Variants in SLC25A13 observed in about 807,000 individuals in gnomAD.
SLC25A13 encodes solute carrier family 25 member 13, also known as electrogenic aspartate/glutamate antiporter SLC25A13, mitochondrial.
In SLC25A13, 70 loss-of-function variants were observed where a neutral mutation model predicts 85.5. The observed-to-expected ratio is 0.82, with a 90% CI of 0.68 to 1.00. The LOEUF is 1.00. Among genes scored for constraint, SLC25A13 ranks in the 50% least tolerant of loss-of-function variants. The pLI, the probability that SLC25A13 is intolerant of heterozygous loss-of-function variation, is 0.00. For synonymous variants in SLC25A13, 259 were observed against 288.7 expected, an observed-to-expected ratio of 0.90 and a Z score of 1.04; for missense variants, 765 against 819.8, an observed-to-expected ratio of 0.93 and a Z score of 0.82.
At chr7:96,298,485 G>A (rs1013539731) in intron 1 of SLC25A13, among the ~76,000 whole-genome samples, 1 of 151,898 alleles carries the variant, frequency 6.6e-6, no homozygotes, top group Non-Finnish European at 1.5e-5. Flanking sequence ...CCAGGCTGGA[G>A]TGCAATGATG....
chr7:96,277,977 C>A (rs543227919), intron 2 of SLC25A13, among the ~76,000 whole-genome samples: 172 of 152,278 alleles, frequency 1.1e-3, no homozygotes, highest in Non-Finnish European at 1.3e-3. Flanking sequence ...GCAGTAAATG[C>A]TGCTCTAGTT....
chr7:96,280,604 A>C (rs183545373), intron 2 of SLC25A13, among the ~76,000 whole-genome samples: 68 of 152,248 alleles, frequency 4.5e-4, no homozygotes, highest in African/African-American at 1.3e-3. Flanking sequence ...AGTCCCAGCT[A>C]CTTGGGAGAC....
chr7:96,251,219 G>T (rs1216130763), intron 3 of SLC25A13, among the ~76,000 whole-genome samples: 1 of 152,148 alleles, frequency 6.6e-6, no homozygotes, highest in Non-Finnish European at 1.5e-5. Context: ...TCAAGGTGCG[G>T]CAAGAAGACC....
intron 3 of SLC25A13, among the ~76,000 whole-genome samples, chr7:96,270,286 T>C (rs1287262030): frequency 6.6e-6 from 1 of 152,204 alleles, no homozygotes; most frequent in Non-Finnish European, 1.5e-5. Flanking sequence ...CTGAGTGCGG[T>C]GGCTCACACC....
chr7:96,248,416 G>A (rs1797287827), intron 3 of SLC25A13, among the ~76,000 whole-genome samples: 1 of 152,198 alleles, frequency 6.6e-6, no homozygotes, highest in Non-Finnish European at 1.5e-5. Context: ...ACAAAAGAGA[G>A]AGGGTGGCCA....
At chr7:96,233,987 T>C (rs1221949021) in intron 4 of SLC25A13, among the ~76,000 whole-genome samples, 5 of 152,056 alleles carry the variant, frequency 3.3e-5, no homozygotes, top group African/African-American at 4.8e-5. Flanking sequence ...GAAAGCACAA[T>C]CCACATGCCT....
chr7:96,289,543 C>A (rs1389479438), intron 2 of SLC25A13, among the ~76,000 whole-genome samples: 1 of 152,006 alleles, frequency 6.6e-6, no homozygotes, highest in African/African-American at 2.4e-5. Flanking sequence ...ACTAAAATAA[C>A]CAGCGTAGAG....
At chr7:96,264,857 A>G (rs969340713) in intron 3 of SLC25A13, among the ~76,000 whole-genome samples, 7 of 152,268 alleles carry the variant, frequency 4.6e-5, no homozygotes, top group Middle Eastern at 3.4e-3. Flanking sequence ...CCAAAGAACT[A>G]TATTTTCTAA....
At chr7:96,122,855 T>C (rs1158601556) in intron 15 of SLC25A13, among the ~76,000 whole-genome samples, 2 of 152,228 alleles carry the variant, frequency 1.3e-5, no homozygotes, top group Non-Finnish European at 2.9e-5. Context: ...CTGTCTCTTA[T>C]GGTTTTATTA....
chr7:96,215,176 G>A (rs974081783), intron 4 of SLC25A13, among the ~76,000 whole-genome samples: 4 of 152,190 alleles, frequency 2.6e-5, no homozygotes, highest in Non-Finnish European at 4.4e-5. Context: ...TTGGCTCACT[G>A]CAACCTCTGC....
At chr7:96,163,828 A>G (rs1298369154) in intron 13 of SLC25A13, among the ~76,000 whole-genome samples, 4 of 152,148 alleles carry the variant, frequency 2.6e-5, no homozygotes, top group Admixed American at 6.5e-5. Context: ...CCAAACTCCA[A>G]TACACCTATT....
At chr7:96,248,682 G>A (rs1797301051) in intron 3 of SLC25A13, among the ~76,000 whole-genome samples, 1 of 151,932 alleles carries the variant, frequency 6.6e-6, no homozygotes, top group South Asian at 2.1e-4. Context: ...TAGTTAGCAG[G>A]AAAAAAATTA....
intron 13 of SLC25A13, among the ~76,000 whole-genome samples, chr7:96,164,476 T>A (rs1793654564): frequency 6.6e-6 from 1 of 152,200 alleles, no homozygotes; most frequent in South Asian, 2.1e-4. Flanking sequence ...AGGGGTTTGT[T>A]ACACAGCAAT....
rs758406317 is a variant in SLC25A13 at position 96,170,113 on chromosome 7, C to A, written c.1243G>T (p.Val415Leu). The A allele has an allele frequency of 1.2e-6, 2 of 1,614,086 alleles. No individual in the cohort carries two copies. The highest frequency in any genetic ancestry group is 4.5e-5 in the East Asian group (2 of 44,872). Residue 415 changes from valine (V) to leucine (L), a missense_variant, in exon 13 of 18, where the codon GTG (valine) becomes TTG (leucine). Coordinates refer to ENST00000265631, the MANE Select transcript of SLC25A13 (RefSeq NM_014251.3). ...TCTTTGTGCATAAATTTATCCCTCA[C>A]AAAATCGTTCACCTTGAAGAAAAAT... ...KAIKLTVNDFVRDKFMHKDGS... is the reference protein window; with the variant it reads ...KAIKLTVNDFLRDKFMHKDGS...
chr7:96,154,203 T>C (rs1157870034), intron 13 of SLC25A13, among the ~76,000 whole-genome samples: 1 of 152,130 alleles, frequency 6.6e-6, no homozygotes, highest in Non-Finnish European at 1.5e-5. Flanking sequence ...TTTACACACA[T>C]TTTATAAAGT....
chr7:96,221,997 A>G (rs528810483), intron 4 of SLC25A13, among the ~76,000 whole-genome samples: 9 of 152,352 alleles, frequency 5.9e-5, no homozygotes, highest in African/African-American at 1.9e-4. Flanking sequence ...GAGACACAAG[A>G]GAAAAGTTGG....
chr7:96,227,619 A>C (rs931996956), intron 4 of SLC25A13, among the ~76,000 whole-genome samples: 5 of 152,190 alleles, frequency 3.3e-5, no homozygotes, highest in African/African-American at 1.2e-4. Context: ...ACAGTCCCAT[A>C]CTGGATTTAT....
At position 96,120,303 on chromosome 7, in the gene SLC25A13, T is replaced by C. The variant is rs954192532; in HGVS notation, c.*888A>G. The C allele has an allele frequency of 6.4e-5, 29 of 453,998 alleles. No homozygotes were observed. Among genetic ancestry groups the C allele is most frequent in the Non-Finnish European group, 1.1e-4 (26 of 226,778 alleles). The allele number at this position is 453,998 out of a possible 1,614,324, so 28.1% of individuals were successfully genotyped here. On this transcript the variant is annotated 3_prime_UTR_variant, in exon 18 of 18. Coordinates refer to ENST00000265631, the MANE Select transcript of SLC25A13 (RefSeq NM_014251.3). The stretch of plus-strand genomic sequence containing the variant: ...CAAGGCAACATGAATTAAATACTTA[T>C]GTCAGAACATATTTGTCTTACATTA...
intron 13 of SLC25A13, among the ~76,000 whole-genome samples, chr7:96,150,955 T>A (rs114109782): frequency 0.015 from 2,214 of 151,906 alleles, 57 homozygotes; most frequent in African/African-American, 0.051. Flanking sequence ...AAATGGGACA[T>A]GAGAACAGAT....
Sources: allele counts gnomAD v4.1 joint callset (sites outside exome capture counted in the v4.1 genomes callset), GRCh38; gene constraint gnomAD v4.1.1; transcripts MANE v1.5; gene names NCBI Gene and HGNC (gene_info 2026-07-23, HGNC 2026-07-21).